The following RAI1 variants were observed in gnomAD, a reference collection of about 807,000 sequenced individuals.
The protein encoded by RAI1 is retinoic acid induced 1.
Under a neutral mutation model 123.8 loss-of-function variants are expected in RAI1, and 9 were observed. The ratio of observed to expected loss-of-function variants is 0.07; its 90% CI spans 0.04 to 0.13. The LOEUF (loss-of-function observed/expected upper bound fraction) is 0.13. Among genes scored for constraint, RAI1 ranks in the 10% least tolerant of loss-of-function variants. RAI1 has a pLI of 1.00. For missense variants in RAI1, 2,256 were observed against 2,545.8 expected (o/e 0.89, Z 2.45); for synonymous variants, 1,231 against 1,127.3 (o/e 1.09, Z -1.84).
chr17:17,796,841 C>G lies in RAI1; in HGVS notation c.3893C>G (p.Pro1298Arg), dbSNP rs148233742. 6.2e-7 allele frequency: 1 copy of G among 1,612,310 alleles called. No homozygotes were observed. Among genetic ancestry groups the G allele is most frequent in the Non-Finnish European group, 8.5e-7 (1 of 1,179,334 alleles). The change falls in exon 3 of 6, where the codon CCC becomes CGC. Residue 1298 changes from proline (P) to arginine (R), a missense_variant. Pro to Arg is a moderately radical substitution (Grantham distance 103). This residue lies in a region of RAI1 where 322 missense variants were observed against 358.0 expected (regional missense o/e 0.90). Transcript: ENST00000353383. This position sits in a 1 kb window ranked among gnomAD's most constrained non-coding sequence, Gnocchi z 5.8. ...PATKLPPPET[P>R]DACLKLASRA... is the part of the protein sequence containing the mutation. ...ACAAAGCTCCCACCCCCGGAGACCC[C>G]CGATGCCTGCCTCAAGCTCGCCTCT... is the stretch of plus-strand genomic sequence containing the variant.
In RAI1 at chr17:17,796,828, C is replaced by T. The variant is rs149103415; in HGVS notation, c.3880C>T (p.Pro1294Ser). 1.8e-5 allele frequency: 29 copies of T among 1,610,994 alleles called. No individual in the cohort carries two copies. In the African/African-American group the frequency reaches 3.5e-4, roughly 19 times the overall value. The part of the protein sequence containing the change: ...GNGEPATKLP[P>S]PETPDACLKL... ...TGGCGAGCCTGCCACAAAGCTCCCA[C>T]CCCCGGAGACCCCCGATGCCTGCCT... is the stretch of plus-strand genomic sequence containing the variant. The change falls in exon 3 of 6, where the codon CCC becomes TCC. Residue 1294 changes from proline to serine, a missense_variant. Physicochemically the swap from Pro to Ser is moderately conservative, Grantham distance 74. Coordinates refer to ENST00000353383, the MANE Select transcript of RAI1 (RefSeq NM_030665.4). This position sits in a 1 kb window ranked among gnomAD's most constrained non-coding sequence, Gnocchi z 5.8.
intron 1 of RAI1, among the ~76,000 whole-genome samples, chr17:17,716,727 TCTGGCCCACATATG>T (rs1424476228): frequency 1.1e-5 from 1 of 89,888 alleles, no homozygotes; most frequent in East Asian, 2.8e-4. Context: ...CCCACATGTG[TCTGGCCCACATATG>T]CTGGCCCAGG....
intron 4 of RAI1, among the ~76,000 whole-genome samples, chr17:17,807,723 TTGG>T (rs2032622172): frequency 6.6e-6 from 1 of 152,200 alleles, no homozygotes; most frequent in East Asian, 1.9e-4. Flanking sequence ...TCAACTTCCC[TTGG>T]TGGGAGTGCC....
chr17:17,738,585 G>A (rs1195364620), intron 2 of RAI1, among the ~76,000 whole-genome samples: 2 of 152,216 alleles, frequency 1.3e-5, no homozygotes, highest in Non-Finnish European at 2.9e-5. Flanking sequence ...GAAGCCATGG[G>A]CTTGAAATGA....
In RAI1 at chr17:17,800,067, G is replaced by A. The variant is rs914051864; in HGVS notation, c.5565+1554G>A. 1.3e-5 allele frequency among the ~76,000 whole-genome samples: 2 copies of A among 152,188 alleles called. No homozygotes were observed. The highest frequency in any genetic ancestry group is 4.8e-5 in the African/African-American group (2 of 41,452). ...GGCTGGCCCCGACAGGACTCCTGCA[G>A]GTTCCTGGTGCCGCGGGCCTTGCTT... On this transcript the variant is annotated intron_variant, in intron 3 of 5. Coordinates refer to ENST00000353383, the MANE Select transcript of RAI1 (RefSeq NM_030665.4). This position sits in a 1 kb window ranked among gnomAD's most constrained non-coding sequence, Gnocchi z 4.7.
intron 1 of RAI1, among the ~76,000 whole-genome samples, chr17:17,717,259 G>T (rs372675260): frequency 1.6e-4 from 24 of 152,292 alleles, no homozygotes; most frequent in African/African-American, 5.5e-4. Context: ...CTGGCCCAGG[G>T]GTAAGTTTGA....
chr17:17,774,339 G>A (rs114028386), intron 2 of RAI1, among the ~76,000 whole-genome samples: 2,825 of 152,314 alleles, frequency 0.019, 84 homozygotes, highest in African/African-American at 0.064. Context: ...TCAGGTACTC[G>A]GTGTTCTTTC....
intron 2 of RAI1, among the ~76,000 whole-genome samples, chr17:17,792,330 T>TGC (rs775132923): frequency 1.7e-4 from 26 of 151,804 alleles, no homozygotes; most frequent in Middle Eastern, 3.4e-3. Context: ...TGTGTGTGTG[T>TGC]GCGCGCGTGT....
intron 1 of RAI1, among the ~76,000 whole-genome samples, chr17:17,699,786 G>C (rs1033506213): frequency 6.6e-6 from 1 of 152,160 alleles, no homozygotes; most frequent in Non-Finnish European, 1.5e-5. Flanking sequence ...GGCCCACCCA[G>C]CCCACCAGCT....
chr17:17,808,394 A>T (rs2032638071), intron 4 of RAI1, among the ~76,000 whole-genome samples: 1 of 97,596 alleles, frequency 1.0e-5, no homozygotes, highest in Non-Finnish European at 1.8e-5. Flanking sequence ...TTATTATTTT[A>T]TTTTATTTTA....
At chr17:17,807,170 G>A (rs888459628) in intron 4 of RAI1, among the ~76,000 whole-genome samples, 1 of 151,610 alleles carries the variant, frequency 6.6e-6, no homozygotes, top group Non-Finnish European at 1.5e-5. Context: ...GAGAACAAGT[G>A]AGCTCGAGAG....
intron 2 of RAI1, among the ~76,000 whole-genome samples, chr17:17,769,510 A>G (rs2031065333): frequency 6.6e-6 from 1 of 152,250 alleles, no homozygotes; most frequent in Non-Finnish European, 1.5e-5. Context: ...TGATGGCGTC[A>G]TAATGAAGGA....
In RAI1 at chr17:17,799,013, C is replaced by G. The variant is rs2032368399; in HGVS notation, c.5565+500C>G. Among the ~76,000 whole-genome samples, 1 of 152,178 alleles carries G rather than the reference C, an allele frequency of 6.6e-6. No homozygotes were observed. The highest frequency in any genetic ancestry group is 2.1e-4 in the South Asian group (1 of 4,830). ...GGCGACACAGGCTTGGTGCATGGACCCAGTCACAGGGTTCCTCCCTCTGCA... is the reference window on the plus strand; with the variant it reads ...GGCGACACAGGCTTGGTGCATGGACGCAGTCACAGGGTTCCTCCCTCTGCA... On this transcript the variant is annotated intron_variant, in intron 3 of 5. Transcript: ENST00000353383. This position sits in a 1 kb window ranked among gnomAD's most constrained non-coding sequence, Gnocchi z 4.5.
intron 2 of RAI1, among the ~76,000 whole-genome samples, chr17:17,752,166 C>T (rs2030202316): frequency 6.6e-6 from 1 of 152,194 alleles, no homozygotes; most frequent in South Asian, 2.1e-4. Context: ...AGCCTCCCGC[C>T]CGGCATACCC....
At chr17:17,786,779 C>G (rs552822075) in intron 2 of RAI1, among the ~76,000 whole-genome samples, 2 of 152,352 alleles carry the variant, frequency 1.3e-5, no homozygotes, top group East Asian at 3.9e-4. Context: ...CCTGTGCCTT[C>G]CCTTAGCAGC....
chr17:17,787,389 C>T (rs1303785319), intron 2 of RAI1, among the ~76,000 whole-genome samples: 1 of 152,222 alleles, frequency 6.6e-6, no homozygotes, highest in Non-Finnish European at 1.5e-5. Context: ...ACCCTTTTTC[C>T]CTTTTCTTCA....
Position 17,809,550 on chromosome 17 carries a change from GC to G in RAI1, c.5709+114del. On this transcript the variant is annotated intron_variant, in intron 5 of 5. Transcript: ENST00000353383. The surrounding 1 kb of genome is among the most constrained non-coding windows in gnomAD (Gnocchi z 4.9). ...CCCCTTGGCTGCGCAGCCCCGCAGGGCCCAGCCCTAGGGGAGGGAGCTCTCC... is the reference window on the plus strand; with the variant it reads ...CCCCTTGGCTGCGCAGCCCCGCAGGGCCAGCCCTAGGGGAGGGAGCTCTCC... The G allele has an allele frequency of 8.0e-7, 1 of 1,242,466 alleles. No individual in the cohort carries two copies. Among genetic ancestry groups the G allele is most frequent in the Non-Finnish European group, 1.2e-6 (1 of 857,384 alleles). 77.0% of individuals were successfully genotyped at this position (1,242,466 alleles called of 1,614,324 possible). A position where few individuals can be genotyped will look rare whatever the true frequency, so the allele number is the denominator to read the frequency against.
Position 17,756,670 on chromosome 17 carries a change from T to A in RAI1, c.-17+32511T>A, listed in dbSNP as rs145192611. ...CTTCCGCAAATCCTTGAGCGCCTAC[T>A]ACGTGCTAATCTGTCCCAGGTGCTC... On this transcript the variant is annotated intron_variant, in intron 2 of 5. Coordinates refer to ENST00000353383, the MANE Select transcript of RAI1 (RefSeq NM_030665.4). Among the ~76,000 whole-genome samples, 1,430 of 152,296 alleles carry A rather than the reference T, an allele frequency of 9.4e-3. 24 individuals are homozygous for A. The highest frequency in any genetic ancestry group is 0.033 in the African/African-American group (1,356 of 41,556).
intron 2 of RAI1, among the ~76,000 whole-genome samples, chr17:17,755,244 G>C (rs562738118): frequency 6.6e-6 from 1 of 152,220 alleles, no homozygotes; most frequent in Admixed American, 6.5e-5. Context: ...AGGGCCCAGC[G>C]CATGGTGTGT....
Sources: gnomAD v4.1 joint callset for allele counts (sites outside exome capture counted in the v4.1 genomes callset) on GRCh38, gnomAD v4.1.1 for gene constraint, gnomAD v4.1.1 regional missense constraint, Gnocchi (gnomAD v3.1) non-coding constraint, MANE v1.5 for transcripts, NCBI Gene and HGNC (gene_info 2026-07-23, HGNC 2026-07-21) for gene names.